TMCC1: variants seen among roughly 807,000 people sequenced by gnomAD.
The protein encoded by TMCC1 is transmembrane and coiled-coil domains protein 1.
In TMCC1, 15 loss-of-function variants were observed where a neutral mutation model predicts 52.4. The observed-to-expected ratio is 0.29, with a 90% CI of 0.19 to 0.44. TMCC1 has a LOEUF of 0.44. TMCC1 is among the 20% of genes least tolerant of loss of function. TMCC1 has a pLI of 1.00. For synonymous variants in TMCC1, 279 were observed against 301.9 expected (o/e 0.92, Z 0.79); for missense variants, 503 against 806.0 (o/e 0.62, Z 4.55).
chr3:129,688,866 A>G, intron 4 of TMCC1: 1 of 446,022 alleles, frequency 2.2e-6, no homozygotes, highest in Non-Finnish European at 3.0e-6. Context: ...TTCAACATTC[A>G]CATTTGTCTT....
intron 4 of TMCC1, among the ~76,000 whole-genome samples, chr3:129,702,787 G>A (rs927396788): frequency 7.9e-5 from 12 of 152,130 alleles, no homozygotes; most frequent in African/African-American, 2.7e-4. Context: ...GATTTGAGGC[G>A]GGTAGATCAC....
intron 4 of TMCC1, among the ~76,000 whole-genome samples, chr3:129,817,289 A>T (rs1178277903): frequency 6.6e-6 from 1 of 152,102 alleles, no homozygotes; most frequent in Non-Finnish European, 1.5e-5. Context: ...TTTGTTTTTC[A>T]CCCATAAGAG....
In TMCC1 at chr3:129,784,984, T is replaced by TA. The variant is rs534593706; in HGVS notation, c.576+42818dup. On this transcript the variant is annotated intron_variant, in intron 4 of 6. Coordinates refer to ENST00000393238, the MANE Select transcript of TMCC1 (RefSeq NM_001017395.5). ...GACAGAGCGAGACCCTCATCTCTTT[T>TA]AAAAAAAACAAAACAGTCAGTGTAA... 3.7e-4 allele frequency among the ~76,000 whole-genome samples: 56 copies of TA among 151,898 alleles called. No individual in the cohort carries two copies. In the South Asian group the frequency reaches 9.6e-3, roughly 26 times the overall value.
chr3:129,835,108 T>C (rs2059097256), intron 2 of TMCC1, among the ~76,000 whole-genome samples: 1 of 152,170 alleles, frequency 6.6e-6, no homozygotes, highest in Non-Finnish European at 1.5e-5. Context: ...TTCCTTTCTT[T>C]TGCACCTCAT....
chr3:129,891,959 T>A (rs1485446808), intron 1 of TMCC1, among the ~76,000 whole-genome samples: 1 of 152,228 alleles, frequency 6.6e-6, no homozygotes, highest in East Asian at 1.9e-4. Flanking sequence ...GGGTTCTTCA[T>A]CAAATTGTAG....
At chr3:129,803,529 G>T (rs537819781) in intron 4 of TMCC1, among the ~76,000 whole-genome samples, 2 of 152,150 alleles carry the variant, frequency 1.3e-5, no homozygotes, top group Non-Finnish European at 2.9e-5. Context: ...TAAAAAAAGC[G>T]ATACTAATTG....
rs2087836140 is a variant in TMCC1 at position 129,670,474 on chromosome 3, C to T, written c.1367G>A (p.Ser456Asn). Reference protein sequence around the residue: ...SSKTNTLDMQSSGFDALLHEI... With the variant: ...SSKTNTLDMQNSGFDALLHEI... The stretch of plus-strand genomic sequence containing the variant: ...ATGTAGTAGTGCATCAAATCCTGAG[C>T]TCTGCATGTCCAGGGTGTTTGTTTT... Residue 456 changes from serine to asparagine, a missense_variant, in exon 5 of 7, where the codon AGC becomes AAC. Ser to Asn is a conservative substitution (Grantham distance 46). Transcript: ENST00000393238. 1 of 1,614,060 alleles carries T rather than the reference C, an allele frequency of 6.2e-7. No individual in the cohort carries two copies. Among genetic ancestry groups the T allele is most frequent in the South Asian group, 1.1e-5 (1 of 91,090 alleles).
chr3:129,706,865 C>T (rs974153107), intron 4 of TMCC1, among the ~76,000 whole-genome samples: 1 of 152,024 alleles, frequency 6.6e-6, no homozygotes, highest in Admixed American at 6.6e-5. Flanking sequence ...TGGCTATTCA[C>T]AGGTGTGATC....
chr3:129,746,849 A>C (rs2052024039), intron 4 of TMCC1, among the ~76,000 whole-genome samples: 1 of 152,172 alleles, frequency 6.6e-6, no homozygotes, highest in Non-Finnish European at 1.5e-5. Context: ...ACTCCACTGG[A>C]GATAAGAGTG....
At chr3:129,726,898 A>AAAAAAAAAAAAAAAG (rs2050149290) in intron 4 of TMCC1, among the ~76,000 whole-genome samples, 1 of 141,356 alleles carries the variant, frequency 7.1e-6, no homozygotes, top group African/African-American at 2.7e-5. Flanking sequence ...AAAAAAAAAA[A>AAAAAAAAAAAAAAAG]GAACCACTGT....
At chr3:129,660,169 G>C (rs2086928641) in intron 5 of TMCC1, among the ~76,000 whole-genome samples, 1 of 152,062 alleles carries the variant, frequency 6.6e-6, no homozygotes, top group African/African-American at 2.4e-5. Context: ...GTTTGTTTGA[G>C]ACAGGGTTTT....
intron 4 of TMCC1, among the ~76,000 whole-genome samples, chr3:129,691,506 C>T (rs894274403): frequency 6.6e-6 from 1 of 151,650 alleles, no homozygotes; most frequent in Non-Finnish European, 1.5e-5. Flanking sequence ...AACAGCCAGG[C>T]GTGGTGGCTC....
intron 4 of TMCC1, among the ~76,000 whole-genome samples, chr3:129,766,845 C>T (rs1234348442): frequency 6.6e-6 from 1 of 152,020 alleles, no homozygotes; most frequent in Non-Finnish European, 1.5e-5. Context: ...TCTCAAACTC[C>T]TGGGTTCAAG....
chr3:129,779,592 T>C (rs2055346593), intron 4 of TMCC1, among the ~76,000 whole-genome samples: 1 of 152,002 alleles, frequency 6.6e-6, no homozygotes, highest in African/African-American at 2.4e-5. Context: ...ATACTGAGAG[T>C]CTTTATGCTA....
chr3:129,845,190 TCACACACACACA>T (rs67832332), intron 2 of TMCC1, among the ~76,000 whole-genome samples: 8 of 149,088 alleles, frequency 5.4e-5, no homozygotes, highest in African/African-American at 7.4e-5. Context: ...CCTGTCACAC[TCACACACACACA>T]CACACACACA....
intron 4 of TMCC1, among the ~76,000 whole-genome samples, chr3:129,804,251 T>C (rs1361049896): frequency 6.6e-6 from 1 of 152,214 alleles, no homozygotes; most frequent in Non-Finnish European, 1.5e-5. Context: ...ACTTCTTGCC[T>C]TAAAGTCTAA....
chr3:129,863,108 T>C (rs562029475), intron 2 of TMCC1, among the ~76,000 whole-genome samples: 1 of 152,280 alleles, frequency 6.6e-6, no homozygotes, highest in East Asian at 1.9e-4. Context: ...GAAAGGGACA[T>C]AGGGAATTAC....
chr3:129,811,533 G>A (rs1187758425), intron 4 of TMCC1, among the ~76,000 whole-genome samples: 1 of 152,140 alleles, frequency 6.6e-6, no homozygotes, highest in Non-Finnish European at 1.5e-5. Flanking sequence ...CTCCCAAAGT[G>A]CTGGGATTAG....
chr3:129,762,024 G>C (rs1406546048), intron 4 of TMCC1, among the ~76,000 whole-genome samples: 1 of 137,622 alleles, frequency 7.3e-6, no homozygotes, highest in Non-Finnish European at 1.6e-5. Flanking sequence ...AGTAGAATGA[G>C]ATTAGATTTC....
Sources: gnomAD v4.1 joint callset for allele counts (sites outside exome capture counted in the v4.1 genomes callset) on GRCh38, gnomAD v4.1.1 for gene constraint, MANE v1.5 for transcripts, NCBI Gene and HGNC (gene_info 2026-07-23, HGNC 2026-07-21) for gene names.